MAML2: variants seen among roughly 807,000 people sequenced by gnomAD.
MAML2 encodes mastermind-like protein 2.
In MAML2, 22 loss-of-function variants were observed where a neutral mutation model predicts 96.1. The ratio of observed to expected loss-of-function variants is 0.23; its 90% CI spans 0.16 to 0.33. MAML2 has a LOEUF of 0.33. MAML2 is among the 10% of genes least tolerant of loss of function. The pLI is 1.00. For missense variants in MAML2, 1,367 were observed against 1,392.4 expected (o/e 0.98, Z 0.29); for synonymous variants, 561 against 521.3 (o/e 1.08, Z -1.04).
At chr11:96,240,557 C>CAAAAAAAAAAAAAAAAAAAAAAAA (rs55659413) in intron 1 of MAML2, among the ~76,000 whole-genome samples, 9 of 51,090 alleles carry the variant, frequency 1.8e-4, no homozygotes, top group Middle Eastern at 0.026. Context: ...GACTCCGTCT[C>CAAAAAAAAAAAAAAAAAAAAAAAA]AAAAAAAAAA....
chr11:96,022,373 C>G (rs1858449744), intron 2 of MAML2, among the ~76,000 whole-genome samples: 1 of 152,104 alleles, frequency 6.6e-6, no homozygotes, highest in Non-Finnish European at 1.5e-5. Flanking sequence ...TTAAATGGGC[C>G]ATGTGTATCT....
chr11:96,226,519 G>A (rs1227751820), intron 1 of MAML2, among the ~76,000 whole-genome samples: 3 of 152,162 alleles, frequency 2.0e-5, no homozygotes, highest in African/African-American at 7.2e-5. Context: ...CCCTGGAAAA[G>A]CTGCTCTAGA....
intron 2 of MAML2, among the ~76,000 whole-genome samples, chr11:96,026,521 T>G (rs1858520861): frequency 6.6e-6 from 1 of 152,112 alleles, no homozygotes; most frequent in African/African-American, 2.4e-5. Context: ...AACCCTCCCT[T>G]CCTTCAGAGG....
chr11:96,119,881 C>T (rs915245085), intron 1 of MAML2, among the ~76,000 whole-genome samples: 2 of 152,146 alleles, frequency 1.3e-5, no homozygotes, highest in Admixed American at 6.5e-5. Context: ...AGGGCATAGG[C>T]CCTAAATTTG....
At chr11:96,022,286 G>A (rs1045081094) in intron 2 of MAML2, among the ~76,000 whole-genome samples, 2 of 152,164 alleles carry the variant, frequency 1.3e-5, no homozygotes, top group African/African-American at 4.8e-5. Context: ...TCTTTCCTGA[G>A]ACCCCAGTGC....
chr11:96,083,596 G>A (rs553242721), intron 2 of MAML2, among the ~76,000 whole-genome samples: 1 of 152,338 alleles, frequency 6.6e-6, no homozygotes, highest in Admixed American at 6.5e-5. Flanking sequence ...TATGGAGGAA[G>A]GTGGAAGTGC....
At chr11:96,021,523 T>C (rs1172253949) in intron 2 of MAML2, among the ~76,000 whole-genome samples, 2 of 152,136 alleles carry the variant, frequency 1.3e-5, no homozygotes, top group East Asian at 3.9e-4. Context: ...CTGGGACTTC[T>C]GGTTAGCTCA....
intron 2 of MAML2, among the ~76,000 whole-genome samples, chr11:96,031,829 C>T (rs942951430): frequency 2.6e-5 from 4 of 151,638 alleles, no homozygotes; most frequent in African/African-American, 9.7e-5. Flanking sequence ...ACTAAAAATA[C>T]AAAAAAATTA....
chr11:96,332,532 C>T (rs930432614), intron 1 of MAML2, among the ~76,000 whole-genome samples: 13 of 152,176 alleles, frequency 8.5e-5, no homozygotes, highest in Admixed American at 8.5e-4. Flanking sequence ...CTTTACTAAA[C>T]GGTTGCCTCT....
At chr11:96,200,478 C>T (rs1861804292) in intron 1 of MAML2, among the ~76,000 whole-genome samples, 1 of 152,158 alleles carries the variant, frequency 6.6e-6, no homozygotes, top group East Asian at 1.9e-4. Flanking sequence ...TCTCCTGGGA[C>T]CTATCCTGTG....
chr11:96,025,235 C>T (rs1858497865), intron 2 of MAML2, among the ~76,000 whole-genome samples: 1 of 152,166 alleles, frequency 6.6e-6, no homozygotes, highest in South Asian at 2.1e-4. Flanking sequence ...AGAAAAAAAT[C>T]ATATCCATTG....
chr11:96,051,905 C>T (rs1175855936), intron 2 of MAML2, among the ~76,000 whole-genome samples: 1 of 152,178 alleles, frequency 6.6e-6, no homozygotes, highest in African/African-American at 2.4e-5. Context: ...TTCTGAAGGG[C>T]CTGGCTCACA....
chr11:96,021,878 G>T lies in MAML2; in HGVS notation c.2140-30155C>A, dbSNP rs933767006. ...CATGTCCTGCCTCTTCCCAGTCCCAGCATTCCTCTTTGCCTTGAAGCTGGG... is the reference window on the plus strand; with the variant it reads ...CATGTCCTGCCTCTTCCCAGTCCCATCATTCCTCTTTGCCTTGAAGCTGGG... On this transcript the variant is annotated intron_variant, in intron 2 of 4. Transcript: ENST00000524717. Among the ~76,000 whole-genome samples, 8 of 152,330 alleles carry T rather than the reference G, an allele frequency of 5.3e-5. 1 individual carries two copies. The highest frequency in any genetic ancestry group is 3.9e-4 in the Admixed American group (6 of 15,302).
At chr11:96,202,350 CAAAAA>C (rs3995542) in intron 1 of MAML2, among the ~76,000 whole-genome samples, 1 of 107,542 alleles carries the variant, frequency 9.3e-6, no homozygotes. Context: ...GACTCCATCT[CAAAAA>C]AAAAAAAAAA....
intron 1 of MAML2, among the ~76,000 whole-genome samples, chr11:96,148,460 G>GA (rs745459641): frequency 0.022 from 3,050 of 140,128 alleles, 47 homozygotes; most frequent in Middle Eastern, 0.039. Context: ...TGGGTAACAT[G>GA]AAAAAAAAAA....
In MAML2 at chr11:96,264,826, C is replaced by T. The variant is rs114500565; in HGVS notation, c.513+76557G>A. Among the ~76,000 whole-genome samples the T allele has an allele frequency of 5.1e-4, 78 of 152,282 alleles. 1 individual carries two copies. Among genetic ancestry groups the T allele is most frequent in the African/African-American group, 1.8e-3 (74 of 41,556 alleles). On this transcript the variant is annotated intron_variant, in intron 1 of 4. Transcript: ENST00000524717. ...CTTCAAATACTCTAAAAACTAGTTA[C>T]CACACAGCATATCTTATTTCGGCAT... is the stretch of plus-strand genomic sequence containing the variant.
At chr11:96,319,815 TA>T (rs762235422) in intron 1 of MAML2, among the ~76,000 whole-genome samples, 1 of 152,356 alleles carries the variant, frequency 6.6e-6, no homozygotes, top group East Asian at 1.9e-4. Context: ...AATTCTAGGT[TA>T]GGGGAAATAT....
chr11:96,271,260 A>G lies in MAML2; in HGVS notation c.513+70123T>C, dbSNP rs150801509. ...CTAATAAACTCCCCTTCAGGTATAC[A>G]TATATCCTATTAGTTCTGTCCCTTT... On this transcript the variant is annotated intron_variant, in intron 1 of 4. Transcript: ENST00000524717. 1.2e-3 allele frequency among the ~76,000 whole-genome samples: 186 copies of G among 152,308 alleles called. 3 individuals carry two copies. In the East Asian group the frequency reaches 0.027, roughly 22 times the overall value.
intron 2 of MAML2, among the ~76,000 whole-genome samples, chr11:96,084,799 T>G (rs1428183769): frequency 1.3e-5 from 2 of 152,140 alleles, no homozygotes; most frequent in African/African-American, 4.8e-5. Context: ...CACAGACCTG[T>G]GGACTACCAA....
Sources: gnomAD v4.1 joint callset for allele counts (sites outside exome capture counted in the v4.1 genomes callset) on GRCh38, gnomAD v4.1.1 for gene constraint, MANE v1.5 for transcripts, NCBI Gene and HGNC (gene_info 2026-07-23, HGNC 2026-07-21) for gene names.